The following SCG3 variants were observed in gnomAD, a reference collection of about 807,000 sequenced individuals.
SCG3 encodes secretogranin-3.
Under a neutral mutation model 56.2 loss-of-function variants are expected in SCG3, and 38 were observed. That is an observed-to-expected ratio of 0.68 (90% confidence interval 0.52 to 0.89). The LOEUF is 0.89. Among genes scored for constraint, SCG3 ranks in the 40% least tolerant of loss-of-function variants. The pLI, the probability that SCG3 is intolerant of heterozygous loss-of-function variation, is 0.00. For missense variants in SCG3, 524 were observed against 540.7 expected (o/e 0.97, Z 0.31); for synonymous variants, 176 against 184.2 (o/e 0.96, Z 0.36).
At chr15:51,709,601 T>A (rs959072363) in intron 10 of SCG3, among the ~76,000 whole-genome samples, 2 of 129,960 alleles carry the variant, frequency 1.5e-5, no homozygotes, top group African/African-American at 6.0e-5. Context: ...CCATTAAATT[T>A]CAAGTCTCTC....
At chr15:51,717,490 T>C (rs1043122202) in intron 11 of SCG3, among the ~76,000 whole-genome samples, 9 of 146,638 alleles carry the variant, frequency 6.1e-5, no homozygotes, top group African/African-American at 2.3e-4. Flanking sequence ...GCCATGATCA[T>C]ACGACTGCAT....
intron 8 of SCG3, among the ~76,000 whole-genome samples, chr15:51,697,619 A>C (rs924718096): frequency 2.0e-5 from 3 of 152,220 alleles, no homozygotes; most frequent in African/African-American, 7.2e-5. Context: ...GTAGGAGCAA[A>C]GCAGTGAAAA....
At chr15:51,697,908 T>C (rs1479687185) in intron 8 of SCG3, among the ~76,000 whole-genome samples, 2 of 152,216 alleles carry the variant, frequency 1.3e-5, no homozygotes, top group South Asian at 4.1e-4. Flanking sequence ...GGCTTTTGAC[T>C]TCTGCTGCCA....
At chr15:51,681,900 G>T (rs1216362960) in intron 1 of SCG3, 63 bp downstream of exon 1, 1 of 1,338,210 alleles carries the variant, frequency 7.5e-7, no homozygotes, top group Non-Finnish European at 1.1e-6. Context: ...GTAAAGTTTG[G>T]CATAATACGT....
chr15:51,710,500 A>T (rs1241418647), intron 10 of SCG3, among the ~76,000 whole-genome samples: 1 of 152,228 alleles, frequency 6.6e-6, no homozygotes, highest in Non-Finnish European at 1.5e-5. Flanking sequence ...CTTTTCATAC[A>T]TTACATACTT....
chr15:51,699,538 TA>T, intron 9 of SCG3, 136 bp downstream of exon 9: 1 of 664,336 alleles, frequency 1.5e-6, no homozygotes, highest in Non-Finnish European at 2.6e-6. Context: ...GCCATAGGAT[TA>T]ATTAGATGTG....
chr15:51,706,310 C>A (rs955039344), intron 10 of SCG3, among the ~76,000 whole-genome samples: 1 of 152,164 alleles, frequency 6.6e-6, no homozygotes, highest in East Asian at 1.9e-4. Flanking sequence ...ATATAAGAAC[C>A]AATTCCTGCG....
At chr15:51,681,880 C>A in intron 1 of SCG3, 43 bp downstream of exon 1, 1 of 1,533,000 alleles carries the variant, frequency 6.5e-7, no homozygotes, top group Non-Finnish European at 9.0e-7. Context: ...TTTTATTTCG[C>A]CACGAAAAGG....
Position 51,681,802 on chromosome 15 carries a change from C to T in SCG3, c.47C>T (p.Pro16Leu). 1 of 1,614,122 alleles carries T rather than the reference C, an allele frequency of 6.2e-7. No individual in the cohort carries two copies. The highest frequency in any genetic ancestry group is 8.5e-7 in the Non-Finnish European group (1 of 1,180,008). ...TGTWILVLVLPIQAFPKPGGS... is the reference protein window; with the variant it reads ...TGTWILVLVLLIQAFPKPGGS... ...ACTTGGATTCTGGTGTTAGTGCTCC[C>T]GATTCAAGCTTTCCCCAAACCTGGA... Residue 16 changes from proline (P) to leucine (L), a missense_variant, in exon 1 of 12, where the codon CCG becomes CTG. Pro to Leu is a moderately conservative substitution (Grantham distance 98). Coordinates refer to ENST00000220478, the MANE Select transcript of SCG3 (RefSeq NM_013243.4).
At chr15:51,718,191 T>TAGAC (rs1463626329) in intron 11 of SCG3, among the ~76,000 whole-genome samples, 51 of 123,862 alleles carry the variant, frequency 4.1e-4, no homozygotes, top group African/African-American at 1.6e-3. Context: ...GATGGATAGA[T>TAGAC]AGATAGATAG....
At chr15:51,709,697 ATATATTTTTTTTTTTTTTTTTTT>A (rs2055404055) in intron 10 of SCG3, among the ~76,000 whole-genome samples, 2 of 13,950 alleles carry the variant, frequency 1.4e-4, no homozygotes, top group African/African-American at 5.3e-4. Flanking sequence ...ATATATATAT[ATATATTTTTTTTTTTTTTTTTTT>A]TTTTTTTTTT....
chr15:51,715,861 CT>C (rs34085691), intron 11 of SCG3, among the ~76,000 whole-genome samples: 7,081 of 144,964 alleles, frequency 0.049, 187 homozygotes, highest in African/African-American at 0.07. Flanking sequence ...GGAGTCTGCA[CT>C]TTTTTTTTTT....
intron 8 of SCG3, 115 bp from the exon 9 acceptor site, chr15:51,699,203 GT>G: frequency 1.4e-6 from 1 of 725,996 alleles, no homozygotes; most frequent in Admixed American, 2.6e-5. Flanking sequence ...TACCAGGAGT[GT>G]TAATATTTTG....
In SCG3 at chr15:51,691,515, A is replaced by T. The variant is rs537825919; in HGVS notation, c.691-644A>T. Among the ~76,000 whole-genome samples, 30 of 152,234 alleles carry T rather than the reference A, an allele frequency of 2.0e-4. No individual in the cohort carries two copies. In the South Asian group the frequency reaches 5.6e-3, roughly 28 times the overall value. Reference sequence around the variant, plus strand: ...GGAGAAATGTGCAAATTTGGGATAAATTTTGAAAGTGGGGCCAACAAGGCT... The same window carrying T: ...GGAGAAATGTGCAAATTTGGGATAATTTTTGAAAGTGGGGCCAACAAGGCT... On this transcript the variant is annotated intron_variant, in intron 6 of 11. Transcript: ENST00000220478.
chr15:51,710,985 G>T (rs930953395), intron 10 of SCG3, among the ~76,000 whole-genome samples: 3 of 152,148 alleles, frequency 2.0e-5, no homozygotes, highest in Non-Finnish European at 2.9e-5. Flanking sequence ...TCATTGGGAA[G>T]TGACCCCAGG....
Position 51,695,876 on chromosome 15 carries a change from A to G in SCG3, c.870A>G (p.Glu290=). ...FYALLKSIDS[E]KEAKEKETLI... ...AAGTTATTTTGTTCTTTCATATAGA[A>G]AAAGAAGCAAAAGAGAAAGAAACAC... Residue 290 remains glutamate (E), a splice_region_variant and synonymous_variant, in exon 8 of 12, where the codon GAA becomes GAG. Coordinates refer to ENST00000220478, the MANE Select transcript of SCG3 (RefSeq NM_013243.4). The G allele has an allele frequency of 6.4e-7, 1 of 1,567,840 alleles. No homozygotes were observed. Among genetic ancestry groups the G allele is most frequent in the Non-Finnish European group, 8.8e-7 (1 of 1,141,422 alleles).
chr15:51,689,753 T>TGC (rs2055254791), intron 6 of SCG3, among the ~76,000 whole-genome samples: 1 of 152,042 alleles, frequency 6.6e-6, no homozygotes, highest in Non-Finnish European at 1.5e-5. Flanking sequence ...CACCACTGCA[T>TGC]ACCGGTCTGG....
chr15:51,684,406 A>C (rs1238823991), intron 4 of SCG3, among the ~76,000 whole-genome samples: 1 of 152,102 alleles, frequency 6.6e-6, no homozygotes, highest in Non-Finnish European at 1.5e-5. Flanking sequence ...GTGAAACCCC[A>C]TCTCTACTAA....
chr15:51,686,681 A>T (rs199844044), intron 4 of SCG3, among the ~76,000 whole-genome samples: 11 of 150,588 alleles, frequency 7.3e-5, no homozygotes, highest in Admixed American at 4.6e-4. Context: ...AACTGATTTT[A>T]TGTTTGTTTG....
Sources: allele counts gnomAD v4.1 joint callset (sites outside exome capture counted in the v4.1 genomes callset), GRCh38; gene constraint gnomAD v4.1.1; transcripts MANE v1.5; gene names NCBI Gene and HGNC (gene_info 2026-07-23, HGNC 2026-07-21).